Variants in CCDC178 observed in about 807,000 individuals in gnomAD.
CCDC178 encodes the protein coiled-coil domain-containing protein 178.
In CCDC178, 126 loss-of-function variants were observed where a neutral mutation model predicts 117.4. The observed-to-expected ratio is 1.07, with a 90% confidence interval of 0.93 to 1.24. The LOEUF (loss-of-function observed/expected upper bound fraction) is 1.24. CCDC178 is among the 50% of genes most tolerant of loss of function. CCDC178 has a pLI of 0.00. For synonymous variants in CCDC178, 283 were observed against 313.4 expected (o/e 0.90, Z 1.02); for missense variants, 1,030 against 986.9 (o/e 1.04, Z -0.59).
intron 20 of CCDC178, among the ~76,000 whole-genome samples, chr18:33,129,721 A>G (rs977805003): frequency 2.6e-5 from 4 of 151,990 alleles, no homozygotes; most frequent in African/African-American, 9.7e-5. Context: ...GTTTTCTGCA[A>G]ATATACCATT....
At chr18:33,125,912 C>A (rs887903653) in intron 20 of CCDC178, among the ~76,000 whole-genome samples, 1 of 152,166 alleles carries the variant, frequency 6.6e-6, no homozygotes, top group African/African-American at 2.4e-5. Flanking sequence ...TGGAGAGGTG[C>A]ACAATGCCTG....
At chr18:33,244,172 T>C (rs1340882021) in intron 15 of CCDC178, among the ~76,000 whole-genome samples, 1 of 152,014 alleles carries the variant, frequency 6.6e-6, no homozygotes, top group African/African-American at 2.4e-5. Flanking sequence ...CAAAGGAAAG[T>C]ATTCATTGAC....
At chr18:33,087,010 AC>A (rs1567979994) in intron 21 of CCDC178, among the ~76,000 whole-genome samples, 9 of 147,740 alleles carry the variant, frequency 6.1e-5, no homozygotes, top group South Asian at 2.1e-4. Flanking sequence ...ACACACACAC[AC>A]ACAACAAAAT....
In CCDC178 at chr18:33,223,113, T is replaced by C; in HGVS notation, c.1925A>G (p.Glu642Gly). Residue 642 changes from glutamate (E) to glycine (G), a missense_variant, in exon 18 of 23, where the codon GAA (glutamate) becomes GGA (glycine). Transcript: ENST00000383096. ...KGKKTLDALI[E>G]TESKRSAIFK... ...CTGAACTTAAATTCTTACCTCAGTT[T>C]CTATTAATGCATCAAGGGTTTTCTT... The C allele has an allele frequency of 6.3e-7, 1 of 1,593,194 alleles. No homozygotes were observed. Among genetic ancestry groups the C allele is most frequent in the Non-Finnish European group, 8.6e-7 (1 of 1,167,308 alleles).
intron 6 of CCDC178, among the ~76,000 whole-genome samples, chr18:33,360,503 T>C (rs1238844137): frequency 6.6e-6 from 1 of 151,530 alleles, no homozygotes; most frequent in East Asian, 1.9e-4. Flanking sequence ...ACATATTGTA[T>C]GATTTTATTT....
intron 20 of CCDC178, among the ~76,000 whole-genome samples, chr18:33,186,322 A>G (rs1192079019): frequency 6.6e-6 from 1 of 151,960 alleles, no homozygotes; most frequent in East Asian, 1.9e-4. Context: ...GGGTATTTTA[A>G]TCTTAAATAG....
intron 21 of CCDC178, among the ~76,000 whole-genome samples, chr18:33,000,893 T>A (rs976866521): frequency 6.6e-6 from 1 of 152,180 alleles, no homozygotes; most frequent in Non-Finnish European, 1.5e-5. Context: ...AAGTTACTGA[T>A]AATAGTAAGT....
chr18:33,346,052 T>C (rs1389832139), intron 9 of CCDC178, among the ~76,000 whole-genome samples, 159 bp downstream of exon 9: 1 of 152,110 alleles, frequency 6.6e-6, no homozygotes, highest in East Asian at 1.9e-4. Flanking sequence ...GGTCTCGAAC[T>C]CCTGGGCTCA....
chr18:33,108,974 G>A (rs867468105), intron 20 of CCDC178, among the ~76,000 whole-genome samples: 18 of 151,566 alleles, frequency 1.2e-4, no homozygotes, highest in Middle Eastern at 3.2e-3. Flanking sequence ...TGTCGCTCCA[G>A]GTCTATTTCT....
At chr18:33,111,151 AT>A (rs1184405414) in intron 20 of CCDC178, among the ~76,000 whole-genome samples, 1 of 151,576 alleles carries the variant, frequency 6.6e-6, no homozygotes, top group African/African-American at 2.4e-5. Context: ...ATGTTTAGTT[AT>A]TCTATTATAA....
intron 20 of CCDC178, among the ~76,000 whole-genome samples, chr18:33,146,317 T>C (rs2058266982): frequency 6.6e-6 from 1 of 152,114 alleles, no homozygotes; most frequent in Non-Finnish European, 1.5e-5. Flanking sequence ...AGAGATAAAA[T>C]TGAAAAAGCC....
intron 21 of CCDC178, among the ~76,000 whole-genome samples, chr18:33,063,788 G>A (rs2056968912): frequency 6.6e-6 from 1 of 152,114 alleles, no homozygotes; most frequent in Admixed American, 6.5e-5. Context: ...TCTGAAGACT[G>A]GCATGCCTGG....
In CCDC178 at chr18:33,356,456, A is replaced by G. The variant is rs1009320035; in HGVS notation, c.349-110T>C. ...CTACTTTACATATCTCTACTTCATT[A>G]TATTTTTGTGTACTTATACTCTCGG... On this transcript the variant is annotated intron_variant, in intron 6 of 22. Coordinates refer to ENST00000383096, the MANE Select transcript of CCDC178 (RefSeq NM_001105528.4). 80 of 1,114,140 alleles carry G rather than the reference A, an allele frequency of 7.2e-5. No individual in the cohort carries two copies. The African/African-American group carries it at 1.2e-3, about 17-fold the overall frequency. 69.0% of individuals were successfully genotyped at this position (1,114,140 alleles called of 1,614,324 possible). A position where few individuals can be genotyped will look rare whatever the true frequency, so the allele number is the denominator to read the frequency against.
Position 33,124,954 on chromosome 18 carries a change from T to C in CCDC178, c.2239-32044A>G, listed in dbSNP as rs556686884. Among the ~76,000 whole-genome samples, 83 of 152,340 alleles carry C rather than the reference T, an allele frequency of 5.4e-4. 1 individual carries two copies. The highest frequency in any genetic ancestry group is 1.0e-3 in the Non-Finnish European group (69 of 68,038). On this transcript the variant is annotated intron_variant, in intron 20 of 22. Transcript: ENST00000383096. ...AAGTAGATTTCTGAGACATGGTCCCTGTGGTCCCCTTAGTTTATGCCTCAG... is the reference window on the plus strand; with the variant it reads ...AAGTAGATTTCTGAGACATGGTCCCCGTGGTCCCCTTAGTTTATGCCTCAG...
intron 11 of CCDC178, among the ~76,000 whole-genome samples, chr18:33,317,447 G>A (rs1232593908): frequency 2.6e-5 from 4 of 152,090 alleles, no homozygotes; most frequent in South Asian, 2.1e-4. Context: ...AACACTCACC[G>A]CAAGTGTCCG....
chr18:33,093,060 T>A, intron 20 of CCDC178, 150 bp from the exon 21 acceptor site: 3 of 456,476 alleles, frequency 6.6e-6, no homozygotes. Context: ...AACCAAAAAA[T>A]GTTTCTCCTG....
chr18:33,269,280 C>T (rs1186446366), intron 12 of CCDC178, among the ~76,000 whole-genome samples: 1 of 151,742 alleles, frequency 6.6e-6, no homozygotes, highest in African/African-American at 2.4e-5. Context: ...AGTAGATGAA[C>T]TAACAAACTA....
chr18:33,015,740 A>G (rs1324244240), intron 21 of CCDC178, among the ~76,000 whole-genome samples: 1 of 152,178 alleles, frequency 6.6e-6, no homozygotes, highest in Non-Finnish European at 1.5e-5. Context: ...AATCTAACTT[A>G]AAGAACTGAA....
chr18:33,118,613 C>T (rs1163394756), intron 20 of CCDC178, among the ~76,000 whole-genome samples: 2 of 152,118 alleles, frequency 1.3e-5, no homozygotes, highest in East Asian at 3.9e-4. Flanking sequence ...AATGGCCATA[C>T]TGCCCAAGAT....
Sources: gnomAD v4.1 joint callset for allele counts (sites outside exome capture counted in the v4.1 genomes callset) on GRCh38, gnomAD v4.1.1 for gene constraint, MANE v1.5 for transcripts, NCBI Gene and HGNC (gene_info 2026-07-23, HGNC 2026-07-21) for gene names.